The following KARS1 variants were observed in gnomAD, a reference collection of about 807,000 sequenced individuals.
KARS1 encodes the protein lysyl-tRNA synthetase 1, also known as lysine--tRNA ligase.
A neutral mutation model predicts 63.9 loss-of-function variants in KARS1; 50 were observed. That is an observed-to-expected ratio of 0.78 (90% CI 0.62 to 0.99). The LOEUF (loss-of-function observed/expected upper bound fraction) is 0.99, where lower values mean the gene tolerates loss of function less well. Ranked by LOEUF, KARS1 falls within the 50% of genes least tolerant of loss-of-function variation. The probability of loss-of-function intolerance (pLI) is 0.00; values close to 1 mark genes in which losing one functional copy is unlikely to be tolerated. For synonymous variants in KARS1, 320 were observed against 264.6 expected (o/e 1.21, Z -2.03); for missense variants, 816 against 754.5 (o/e 1.08, Z -0.95).
At chr16:75,642,219 T>C (rs113909347) in intron 1 of KARS1, among the ~76,000 whole-genome samples, 9 of 110,114 alleles carry the variant, frequency 8.2e-5, no homozygotes, top group African/African-American at 1.1e-4. Flanking sequence ...TTTTTTTTTT[T>C]ATGAGACAGA....
At chr16:75,634,328 A>T (rs1356918898) in intron 6 of KARS1, 36 bp from the exon 7 acceptor site, 7 of 1,611,326 alleles carry the variant, frequency 4.3e-6, no homozygotes, top group Non-Finnish European at 5.9e-6. Context: ...GTCCTTAGAT[A>T]ACCAGAGGCC....
intron 1 of KARS1, among the ~76,000 whole-genome samples, chr16:75,646,734 C>T (rs996721297): frequency 6.6e-6 from 1 of 151,616 alleles, no homozygotes; most frequent in Non-Finnish European, 1.5e-5. Flanking sequence ...GCAACCTCCG[C>T]CTCCTGGGTT....
At chr16:75,628,164 A>G (rs1486867132) in intron 13 of KARS1, among the ~76,000 whole-genome samples, 171 bp from the exon 14 acceptor site, 1 of 152,260 alleles carries the variant, frequency 6.6e-6, no homozygotes, top group Non-Finnish European at 1.5e-5. Flanking sequence ...CTCTCAAGTT[A>G]CAGATGACAA....
At chr16:75,644,797 T>C (rs2082263275) in intron 1 of KARS1, among the ~76,000 whole-genome samples, 1 of 152,182 alleles carries the variant, frequency 6.6e-6, no homozygotes. Context: ...GTGTGGTTTC[T>C]CACCTGGAGA....
intron 6 of KARS1, among the ~76,000 whole-genome samples, chr16:75,634,620 G>T (rs1442321965): frequency 6.6e-6 from 1 of 152,122 alleles, no homozygotes; most frequent in Non-Finnish European, 1.5e-5. Context: ...CTGTTGCCCA[G>T]GCTGGAGTGC....
At chr16:75,642,359 C>A (rs1391634236) in intron 1 of KARS1, among the ~76,000 whole-genome samples, 3 of 151,874 alleles carry the variant, frequency 2.0e-5, no homozygotes, top group Non-Finnish European at 4.4e-5. Context: ...TGTACCACCA[C>A]AGTCAACTAA....
chr16:75,628,082 TACC>T, intron 13 of KARS1, 89 bp from the exon 14 acceptor site: 2 of 824,352 alleles, frequency 2.4e-6, no homozygotes, highest in Non-Finnish European at 4.3e-6. Context: ...CCTCTGTTGT[TACC>T]ACCAAAATCC....
intron 1 of KARS1, among the ~76,000 whole-genome samples, chr16:75,647,229 C>T (rs1030735705): frequency 6.6e-6 from 1 of 152,196 alleles, no homozygotes; most frequent in African/African-American, 2.4e-5. Flanking sequence ...CTGAGTGGCT[C>T]AACAAAAGAA....
Position 75,628,694 on chromosome 16 carries a change from C to G in KARS1, c.1570G>C (p.Asp524His), listed in dbSNP as rs1029146649. ...TTTTCATCTATGAACATGGCCTCAT[C>G]ATCACCTGCAGCCTTGGCCTAGAAG... ...EQAKAKAAGD[D>H]EAMFIDENFC... The change falls in exon 13 of 14, where the codon GAT becomes CAT. Residue 524 changes from aspartate (D) to histidine (H), a missense_variant. Transcript: ENST00000302445. 6.2e-7 allele frequency: 1 copy of G among 1,614,222 alleles called. No individual in the cohort carries two copies. The highest frequency in any genetic ancestry group is 8.5e-7 in the Non-Finnish European group (1 of 1,180,030).
intron 12 of KARS1, chr16:75,628,943 G>A (rs1240552779): frequency 8.7e-6 from 5 of 574,042 alleles, no homozygotes; most frequent in Non-Finnish European, 1.2e-5. Context: ...AAATTTCTCT[G>A]AAAGAAAACC....
At position 75,647,639 on chromosome 16, in the gene KARS1, TC is replaced by T; in HGVS notation, c.-1del. 1 of 1,613,936 alleles carries T rather than the reference TC, an allele frequency of 6.2e-7. No individual in the cohort carries two copies. Among genetic ancestry groups the T allele is most frequent in the Non-Finnish European group, 8.5e-7 (1 of 1,179,918 alleles). On this transcript the variant is annotated 5_prime_UTR_variant, in exon 1 of 14. Transcript: ENST00000302445. ...ACCTCGGCCGCCTGCACGGCCGCCATCTTCCCGGAGGGCCCGACCCAAAAGT... is the reference window on the plus strand; with the variant it reads ...ACCTCGGCCGCCTGCACGGCCGCCATTTCCCGGAGGGCCCGACCCAAAAGT...
In KARS1 at chr16:75,638,059, C is replaced by T. The variant is rs138251495; in HGVS notation, c.389-1512G>A. 3.7e-4 allele frequency among the ~76,000 whole-genome samples: 57 copies of T among 152,180 alleles called. 1 individual carries two copies. Among genetic ancestry groups the T allele is most frequent in the African/African-American group, 1.3e-3 (56 of 41,532 alleles). ...TGCTTCCTTTGAACATTCAGGAAAA[C>T]TGATTTCATGTAAATGTAAGCAACA... On this transcript the variant is annotated intron_variant, in intron 3 of 13. Coordinates refer to ENST00000302445, the MANE Select transcript of KARS1 (RefSeq NM_005548.3).
chr16:75,628,903 G>A, intron 12 of KARS1, 191 bp from the exon 13 acceptor site: 2 of 662,678 alleles, frequency 3.0e-6, no homozygotes, highest in Non-Finnish European at 5.3e-6. Context: ...TGGAGGTCAG[G>A]ACTGATGAAA....
intron 3 of KARS1, among the ~76,000 whole-genome samples, chr16:75,637,614 A>G (rs1399792139): frequency 6.6e-6 from 1 of 150,426 alleles, no homozygotes; most frequent in Non-Finnish European, 1.5e-5. Flanking sequence ...TGTCTCTACT[A>G]AAAAAAAATA....
rs2151810254 is a variant in KARS1 at position 75,641,577 on chromosome 16, C to T, written c.209G>A (p.Ser70Asn). The T allele has an allele frequency of 3.1e-6, 5 of 1,613,764 alleles. No individual in the cohort carries two copies. The highest frequency in any genetic ancestry group is 2.2e-5 in the East Asian group (1 of 44,886). The change falls in exon 2 of 14, where the codon AGC becomes AAC. Residue 70 changes from serine to asparagine, a missense_variant. Physicochemically the swap from Ser to Asn is conservative, Grantham distance 46. Transcript: ENST00000302445. ...CAGGGAACTCACATTTGGGTCCACG[C>T]TCTCTTCCTCAGGACCCACACCATT... ...TDNGVGPEEE[S>N]VDPNQYYKIR...
chr16:75,629,284 C>T, intron 12 of KARS1, 131 bp downstream of exon 12: 1 of 1,134,652 alleles, frequency 8.8e-7, no homozygotes, highest in South Asian at 1.3e-5. Flanking sequence ...AATGTGACTC[C>T]TCCAGCAAGC....
intron 1 of KARS1, among the ~76,000 whole-genome samples, chr16:75,647,056 C>T (rs1210200058): frequency 1.3e-5 from 2 of 152,160 alleles, no homozygotes; most frequent in Non-Finnish European, 2.9e-5. Context: ...ACTTAATACT[C>T]ACAGGTATCT....
chr16:75,635,450 G>A (rs1156458750), intron 6 of KARS1: 2 of 530,706 alleles, frequency 3.8e-6, no homozygotes, highest in Non-Finnish European at 6.8e-6. Context: ...TATTGAATGT[G>A]ACATCATTAG....
intron 6 of KARS1, 195 bp downstream of exon 6, chr16:75,635,485 C>T (rs1057427687): frequency 9.0e-6 from 6 of 663,026 alleles, no homozygotes; most frequent in African/African-American, 5.4e-5. Flanking sequence ...TATACCTTGT[C>T]CATTATCTTG....
Sources: gnomAD v4.1 joint callset for allele counts (sites outside exome capture counted in the v4.1 genomes callset) on GRCh38, gnomAD v4.1.1 for gene constraint, MANE v1.5 for transcripts, NCBI Gene and HGNC (gene_info 2026-07-23, HGNC 2026-07-21) for gene names.